The following ATP1B2 variants were observed in gnomAD, a reference collection of about 807,000 sequenced individuals.
ATP1B2 encodes sodium/potassium-transporting ATPase subunit beta-2.
ATP1B2 carries 12 observed loss-of-function variants against 37.3 expected under a neutral mutation model. The ratio of observed to expected loss-of-function variants is 0.32; its 90% CI spans 0.21 to 0.52. The LOEUF (loss-of-function observed/expected upper bound fraction) is 0.52, where lower values mean the gene tolerates loss of function less well. Ranked by LOEUF, ATP1B2 falls within the 20% of genes least tolerant of loss-of-function variation. ATP1B2 has a pLI of 0.96. For missense variants in ATP1B2, 324 were observed against 391.6 expected, an observed-to-expected ratio of 0.83 and a Z score of 1.46; for synonymous variants, 139 against 140.5, an observed-to-expected ratio of 0.99 and a Z score of 0.07.
rs1027606180 is a variant in ATP1B2, at chr17:7,656,819, G to C, written c.*924G>C. 1 of 149,956 alleles carries C rather than the reference G, an allele frequency of 6.7e-6. No individual in the cohort carries two copies. Among genetic ancestry groups the C allele is most frequent in the African/African-American group, 2.4e-5 (1 of 40,832 alleles). 9.3% of individuals were successfully genotyped at this position (149,956 alleles called of 1,614,324 possible). A position where few individuals can be genotyped will look rare whatever the true frequency, so the allele number is the denominator to read the frequency against. On this transcript the variant is annotated 3_prime_UTR_variant, in exon 7 of 7. Transcript: ENST00000250111. ...CTACAGGCATGTGCCACCATGCCCG[G>C]CTAATTTCTTTCTTTCTTTTTTTTT...
chr17:7,655,342 C>T lies in ATP1B2; in HGVS notation c.610-185C>T, dbSNP rs1355587805. The T allele has an allele frequency of 1.6e-6, 1 of 615,934 alleles. No homozygotes were observed. The highest frequency in any genetic ancestry group is 2.9e-6 in the Non-Finnish European group (1 of 349,694). The allele number at this position is 615,934 out of a possible 1,614,324, so 38.2% of individuals were successfully genotyped here. Reference sequence around the variant, plus strand: ...TTCCTAGAATGATGACAGGGACAGACCATCCCCTCATCTACACACGCACAT... The same window carrying T: ...TTCCTAGAATGATGACAGGGACAGATCATCCCCTCATCTACACACGCACAT... On this transcript the variant is annotated intron_variant, in intron 5 of 6. Coordinates refer to ENST00000250111, the MANE Select transcript of ATP1B2 (RefSeq NM_001678.5). This position sits in a 1 kb window ranked among gnomAD's most constrained non-coding sequence, Gnocchi z 4.4.
chr17:7,650,339 G>C (rs1399965435), upstream of ATP1B2, among the ~76,000 whole-genome samples: 1 of 152,174 alleles, frequency 6.6e-6, no homozygotes, highest in African/African-American at 2.4e-5. Flanking sequence ...GAGCCAGGTG[G>C]TGTGGACAGG....
upstream of ATP1B2, among the ~76,000 whole-genome samples, chr17:7,649,878 G>A (rs978237904): frequency 2.6e-5 from 4 of 151,980 alleles, no homozygotes; most frequent in Non-Finnish European, 5.9e-5. Flanking sequence ...TTTTTAAGTA[G>A]AGACGGGGTT....
upstream of ATP1B2, among the ~76,000 whole-genome samples, chr17:7,647,429 A>G (rs1022001429): frequency 2.0e-5 from 3 of 152,240 alleles, no homozygotes; most frequent in African/African-American, 7.2e-5. Flanking sequence ...TGGGAGGCCA[A>G]GATGGCAGGA....
rs748581309 is a variant in ATP1B2, at chr17:7,655,725, G to T, written c.709-6G>T. 1.9e-6 allele frequency: 3 copies of T among 1,614,066 alleles called. No homozygotes were observed. Among genetic ancestry groups the T allele is most frequent in the Non-Finnish European group, 2.5e-6 (3 of 1,179,996 alleles). ...GCCTAGACCCTGCACTGCTCCTCCG[G>T]CCCAGGTGAACTACACACAGCCCCT... On this transcript the variant is annotated splice_polypyrimidine_tract_variant and splice_region_variant and intron_variant, in intron 6 of 6. Coordinates refer to ENST00000250111, the MANE Select transcript of ATP1B2 (RefSeq NM_001678.5). This position sits in a 1 kb window ranked among gnomAD's most constrained non-coding sequence, Gnocchi z 4.4.
In ATP1B2 at chr17:7,654,415, C is replaced by T. The variant is rs1055965288; in HGVS notation, c.552+158C>T. Among the ~76,000 whole-genome samples the T allele has an allele frequency of 6.6e-6, 1 of 152,046 alleles. No homozygotes were observed. Among genetic ancestry groups the T allele is most frequent in the Non-Finnish European group, 1.5e-5 (1 of 67,998 alleles). ...AGAGGTGGGACTCTTGGAGGCTAAG[C>T]TCTGCAGTTAGAAGGCTGGATGCCT... On this transcript the variant is annotated intron_variant, in intron 4 of 6. Transcript: ENST00000250111. This position sits in a 1 kb window ranked among gnomAD's most constrained non-coding sequence, Gnocchi z 4.9.
At chr17:7,647,978 T>C (rs1452627598), upstream of ATP1B2, among the ~76,000 whole-genome samples, 1 of 152,168 alleles carries the variant, frequency 6.6e-6, no homozygotes, top group Non-Finnish European at 1.5e-5. Flanking sequence ...ACACTTGTGA[T>C]TTCAGCACTT....
upstream of ATP1B2, among the ~76,000 whole-genome samples, chr17:7,649,709 C>T (rs2072597581): frequency 6.6e-6 from 1 of 151,938 alleles, no homozygotes; most frequent in Non-Finnish European, 1.5e-5. Flanking sequence ...CCCGCCACGA[C>T]GCCCAGCTAA....
intron 1 of ATP1B2, 102 bp from the exon 2 acceptor site, chr17:7,653,272 A>T: frequency 6.6e-7 from 1 of 1,510,610 alleles, no homozygotes; most frequent in Non-Finnish European, 9.0e-7. Context: ...CTCTGTGATC[A>T]GTCCCAGTGC....
intron 1 of ATP1B2, 94 bp from the exon 2 acceptor site, chr17:7,653,280 T>G: frequency 6.2e-5 from 97 of 1,557,420 alleles, no homozygotes; most frequent in Non-Finnish European, 8.3e-5. Context: ...TCAGTCCCAG[T>G]GCAGAACTTC....
upstream of ATP1B2, among the ~76,000 whole-genome samples, chr17:7,647,235 C>A (rs1619016): frequency 6.6e-6 from 1 of 152,006 alleles, no homozygotes. Context: ...GATCACCATA[C>A]CTTACCAGAT....
At chr17:7,653,812 C>T (rs375245476) in intron 2 of ATP1B2, 29 bp from the exon 3 acceptor site, 59 of 1,602,994 alleles carry the variant, frequency 3.7e-5, no homozygotes, top group Non-Finnish European at 4.9e-5. Flanking sequence ...CTTATAGATA[C>T]CCCCAACTTC....
rs750593994 is a variant in ATP1B2 at position 7,654,262 on chromosome 17, C to T, written c.552+5C>T. On this transcript the variant is annotated splice_donor_5th_base_variant and intron_variant, in intron 4 of 6. Transcript: ENST00000250111. The surrounding 1 kb of genome is among the most constrained non-coding windows in gnomAD (Gnocchi z 4.9). The stretch of plus-strand genomic sequence containing the variant: ...GTCTTCATCAAGATGAACCGGGTAT[C>T]TATGACCTTGGTCCCCAGGGTGAAT... The T allele has an allele frequency of 1.2e-6, 2 of 1,613,826 alleles. No homozygotes were observed. The highest frequency in any genetic ancestry group is 1.7e-6 in the Non-Finnish European group (2 of 1,179,854).
rs377251814 is a variant in ATP1B2, at chr17:7,655,912, C to T, written c.*17C>T. 42 of 1,613,200 alleles carry T rather than the reference C, an allele frequency of 2.6e-5. No individual in the cohort carries two copies. The highest frequency in any genetic ancestry group is 3.3e-4 in the Middle Eastern group (2 of 6,050). On this transcript the variant is annotated 3_prime_UTR_variant, in exon 7 of 7. Transcript: ENST00000250111. The surrounding 1 kb of genome is among the most constrained non-coding windows in gnomAD (Gnocchi z 4.4). ...AAAACCTGAGGCCCCTTCCTCCCAC[C>T]CCATCTCTCTCCTGTGGATGCTCCT...
intron 1 of ATP1B2, among the ~76,000 whole-genome samples, chr17:7,652,348 G>C (rs1049410039): frequency 2.0e-5 from 3 of 152,038 alleles, no homozygotes; most frequent in African/African-American, 2.4e-5. Context: ...TCGGGGGTTG[G>C]GGGGGTGGAG....
upstream of ATP1B2, among the ~76,000 whole-genome samples, chr17:7,649,058 G>C (rs2150976394): frequency 6.6e-6 from 1 of 152,096 alleles, no homozygotes; most frequent in South Asian, 2.1e-4. Context: ...TTCATTCAAT[G>C]CATACCATTT....
chr17:7,656,776 G>A lies in ATP1B2; in HGVS notation c.*881G>A, dbSNP rs2072656204. ...GGTTCAAGCGATTCTCCCGCCTCAGGTTCCCGAGTAGCTGGGACTACAGGC... is the reference window on the plus strand; with the variant it reads ...GGTTCAAGCGATTCTCCCGCCTCAGATTCCCGAGTAGCTGGGACTACAGGC... On this transcript the variant is annotated 3_prime_UTR_variant, in exon 7 of 7. Coordinates refer to ENST00000250111, the MANE Select transcript of ATP1B2 (RefSeq NM_001678.5). 1 of 151,698 alleles carries A rather than the reference G, an allele frequency of 6.6e-6. No homozygotes were observed. The highest frequency in any genetic ancestry group is 2.4e-5 in the African/African-American group (1 of 41,254). The allele number at this position is 151,698 out of a possible 1,614,324, so 9.4% of individuals were successfully genotyped here.
At position 7,655,316 on chromosome 17, in the gene ATP1B2, G is replaced by A; in HGVS notation, c.610-211G>A. 1.7e-6 allele frequency: 1 copy of A among 598,332 alleles called. No homozygotes were observed. Among genetic ancestry groups the A allele is most frequent in the South Asian group, 2.0e-5 (1 of 49,686 alleles). 37.1% of individuals were successfully genotyped at this position (598,332 alleles called of 1,614,324 possible). On this transcript the variant is annotated intron_variant, in intron 5 of 6. Transcript: ENST00000250111. This position sits in a 1 kb window ranked among gnomAD's most constrained non-coding sequence, Gnocchi z 4.4. ...TTCGTGCCATTAGCAGCCTTCAGGA[G>A]TTCCTAGAATGATGACAGGGACAGA...
chr17:7,647,140 C>T (rs2150975875), upstream of ATP1B2, among the ~76,000 whole-genome samples: 1 of 148,406 alleles, frequency 6.7e-6, no homozygotes, highest in South Asian at 2.1e-4. Context: ...GGAGTGCTGA[C>T]AGCTGAGAGA....
Sources: allele counts gnomAD v4.1 joint callset (sites outside exome capture counted in the v4.1 genomes callset), GRCh38; gene constraint gnomAD v4.1.1; non-coding constraint Gnocchi (gnomAD v3.1); transcripts MANE v1.5; gene names NCBI Gene and HGNC (gene_info 2026-07-23, HGNC 2026-07-21).